CDH12: variants seen among roughly 807,000 people sequenced by gnomAD.
CDH12 encodes the protein cadherin 12.
CDH12 carries 41 observed loss-of-function variants against 74.1 expected under a neutral mutation model. The observed-to-expected ratio is 0.55, with a 90% CI of 0.43 to 0.72. The LOEUF (loss-of-function observed/expected upper bound fraction) is 0.72. Among genes scored for constraint, CDH12 ranks in the 30% least tolerant of loss-of-function variants. The pLI, the probability that CDH12 is intolerant of heterozygous loss-of-function variation, is 0.00. For synonymous variants in CDH12, 399 were observed against 355.0 expected (o/e 1.12, Z -1.39); for missense variants, 945 against 977.2 (o/e 0.97, Z 0.44).
intron 5 of CDH12, among the ~76,000 whole-genome samples, chr5:22,005,509 C>T (rs1422529935): frequency 6.6e-6 from 1 of 151,060 alleles, no homozygotes. Flanking sequence ...GTGGGTCAAT[C>T]CCATTTTAAA....
At chr5:22,243,530 A>G (rs1307994609) in intron 3 of CDH12, among the ~76,000 whole-genome samples, 1 of 152,204 alleles carries the variant, frequency 6.6e-6, no homozygotes, top group East Asian at 1.9e-4. Context: ...GAAATAAACA[A>G]AAAAAGGTAT....
intron 11 of CDH12, among the ~76,000 whole-genome samples, chr5:21,768,667 A>C (rs1025062300): frequency 2.6e-5 from 4 of 152,022 alleles, no homozygotes; most frequent in Admixed American, 1.3e-4. Context: ...CTCCTCATCA[A>C]GTAAAGCCCA....
intron 3 of CDH12, among the ~76,000 whole-genome samples, chr5:22,334,167 T>A (rs1476196229): frequency 6.6e-6 from 1 of 151,870 alleles, no homozygotes; most frequent in Non-Finnish European, 1.5e-5. Context: ...GCATCCAAAT[T>A]GGAAAGGAAG....
intron 2 of CDH12, among the ~76,000 whole-genome samples, chr5:22,453,415 T>C (rs138787150): frequency 0.014 from 2,072 of 152,214 alleles, 56 homozygotes; most frequent in African/African-American, 0.047. Flanking sequence ...TAAAATAGAA[T>C]GAAATTCTAT....
Position 21,938,821 on chromosome 5 carries a change from G to A in CDH12, c.526+36270C>T, listed in dbSNP as rs562556936. ...GCATTAAGGACTTCAATTTTTACCA[G>A]GTTTGAAAGGGGAGCAGTCCTTTGA... On this transcript the variant is annotated intron_variant, in intron 6 of 14. Transcript: ENST00000382254. Among the ~76,000 whole-genome samples the A allele has an allele frequency of 5.0e-3, 736 of 146,838 alleles. 9 individuals are homozygous for A. The highest frequency in any genetic ancestry group is 0.016 in the African/African-American group (618 of 39,506).
intron 4 of CDH12, among the ~76,000 whole-genome samples, chr5:22,088,631 C>T (rs1047548020): frequency 6.6e-6 from 1 of 152,102 alleles, no homozygotes; most frequent in African/African-American, 2.4e-5. Context: ...GGACAAAGGG[C>T]TCTACAGCTT....
At chr5:22,751,128 G>A (rs1745549429) in intron 1 of CDH12, among the ~76,000 whole-genome samples, 1 of 151,696 alleles carries the variant, frequency 6.6e-6, no homozygotes, top group African/African-American at 2.4e-5. Flanking sequence ...AGAAGTAAAG[G>A]GAGAGGAAAA....
Position 22,078,743 on chromosome 5 carries a change from G to C in CDH12, c.-67C>G, listed in dbSNP as rs1051379310. 41 of 1,568,526 alleles carry C rather than the reference G, an allele frequency of 2.6e-5. No homozygotes were observed. The highest frequency in any genetic ancestry group is 3.3e-5 in the Non-Finnish European group (38 of 1,157,430). On this transcript the variant is annotated 5_prime_UTR_variant, in exon 5 of 15. Coordinates refer to ENST00000382254, the MANE Select transcript of CDH12 (RefSeq NM_004061.5). ...ACTTAACGTAGAATTGTGGAATCCA[G>C]GTTTGAGGTGTCTGTGGCCTCCACC...
chr5:21,860,258 T>C (rs1463798927), intron 6 of CDH12, among the ~76,000 whole-genome samples: 1 of 152,106 alleles, frequency 6.6e-6, no homozygotes, highest in Non-Finnish European at 1.5e-5. Flanking sequence ...ATTGATTTCA[T>C]ATCAGCATTT....
rs1420432232 is a variant in CDH12, at chr5:22,328,961, G to A, written c.-333+76296C>T. ...CCACTAAAATTTAAATTCCACAGCA[G>A]GATGGTAGTAAAAAACAGAACAAAC... On this transcript the variant is annotated intron_variant, in intron 3 of 14. Coordinates refer to ENST00000382254, the MANE Select transcript of CDH12 (RefSeq NM_004061.5). 2.0e-5 allele frequency among the ~76,000 whole-genome samples: 3 copies of A among 152,102 alleles called. No individual in the cohort carries two copies. The East Asian group carries it at 5.8e-4, about 29-fold the overall frequency.
At chr5:22,561,965 G>A (rs1264445145) in intron 1 of CDH12, among the ~76,000 whole-genome samples, 2 of 152,120 alleles carry the variant, frequency 1.3e-5, no homozygotes, top group Non-Finnish European at 1.5e-5. Context: ...AGGAAATACT[G>A]TGTTCCACAA....
At chr5:21,945,390 C>T (rs1045078221) in intron 6 of CDH12, among the ~76,000 whole-genome samples, 1 of 131,972 alleles carries the variant, frequency 7.6e-6, no homozygotes, top group African/African-American at 2.9e-5. Flanking sequence ...CATACCGCTG[C>T]ACTCCAGCCT....
intron 1 of CDH12, among the ~76,000 whole-genome samples, chr5:22,693,028 T>TG (rs1742166000): frequency 6.6e-6 from 1 of 152,064 alleles, no homozygotes; most frequent in Non-Finnish European, 1.5e-5. Context: ...CTTTTTTTTT[T>TG]TTTCTTGACA....
At chr5:22,107,243 C>T (rs771363430) in intron 4 of CDH12, among the ~76,000 whole-genome samples, 9 of 151,788 alleles carry the variant, frequency 5.9e-5, no homozygotes, top group Admixed American at 1.3e-4. Flanking sequence ...AGCAATTCTC[C>T]TGCCTCAGCC....
chr5:21,988,798 C>G (rs933160490), intron 5 of CDH12, among the ~76,000 whole-genome samples: 1 of 152,052 alleles, frequency 6.6e-6, no homozygotes, highest in African/African-American at 2.4e-5. Context: ...ATAATACTTT[C>G]CACGTTCTAG....
intron 6 of CDH12, among the ~76,000 whole-genome samples, chr5:21,871,500 A>T (rs1050771314): frequency 1.2e-4 from 19 of 152,148 alleles, no homozygotes; most frequent in African/African-American, 4.6e-4. Context: ...TTGGAGGCCG[A>T]GGCGGGTGGA....
At chr5:22,639,009 C>T (rs1738988831) in intron 1 of CDH12, 1 of 133,610 alleles carries the variant, frequency 7.5e-6, no homozygotes, top group Admixed American at 9.4e-5. Context: ...CGAGATCCCG[C>T]CAGGGCACTC....
chr5:22,416,514 C>T (rs1743399198), intron 2 of CDH12, among the ~76,000 whole-genome samples: 1 of 152,094 alleles, frequency 6.6e-6, no homozygotes, highest in Non-Finnish European at 1.5e-5. Flanking sequence ...TCTCAATCCC[C>T]ATTTTTCAAA....
chr5:21,799,029 A>T (rs1027924322), intron 10 of CDH12, among the ~76,000 whole-genome samples: 5 of 152,162 alleles, frequency 3.3e-5, no homozygotes, highest in African/African-American at 1.2e-4. Context: ...AAGAAAAGAG[A>T]ACTGTAGAGA....
Sources: allele counts gnomAD v4.1 joint callset (sites outside exome capture counted in the v4.1 genomes callset), GRCh38; gene constraint gnomAD v4.1.1; transcripts MANE v1.5; gene names NCBI Gene and HGNC (gene_info 2026-07-23, HGNC 2026-07-21).